Variants in IMPG1 observed in about 807,000 individuals in gnomAD.
The protein encoded by IMPG1 is interphotoreceptor matrix proteoglycan of 150 kDa.
In IMPG1, 85 loss-of-function variants were observed where a neutral mutation model predicts 92.0. That is an observed-to-expected ratio of 0.92 (90% CI 0.78 to 1.11). IMPG1 has a LOEUF of 1.11. Among genes scored for constraint, IMPG1 ranks in the 50% least tolerant of loss-of-function variants. IMPG1 has a pLI of 0.00. For missense variants in IMPG1, 1,022 were observed against 956.0 expected, an observed-to-expected ratio of 1.07 and a Z score of -0.91; for synonymous variants, 367 against 334.1, an observed-to-expected ratio of 1.10 and a Z score of -1.08.
chr6:75,971,404 C>T (rs1381424312), intron 12 of IMPG1, among the ~76,000 whole-genome samples: 1 of 151,852 alleles, frequency 6.6e-6, no homozygotes, highest in Non-Finnish European at 1.5e-5. Context: ...ACCAGCATGG[C>T]ACATGTATAC....
chr6:75,930,626 T>C (rs965404322), intron 15 of IMPG1, among the ~76,000 whole-genome samples: 1 of 152,196 alleles, frequency 6.6e-6, no homozygotes, highest in Non-Finnish European at 1.5e-5. Flanking sequence ...ATTCAGTCTT[T>C]TAAAACTGAT....
chr6:76,069,935 C>T (rs1262520216), intron 1 of IMPG1, among the ~76,000 whole-genome samples: 1 of 152,016 alleles, frequency 6.6e-6, no homozygotes, highest in African/African-American at 2.4e-5. Flanking sequence ...AACACTGGGT[C>T]CCCATGGACA....
At chr6:76,027,232 G>A (rs1447266054) in intron 4 of IMPG1, among the ~76,000 whole-genome samples, 2 of 152,210 alleles carry the variant, frequency 1.3e-5, no homozygotes, top group Admixed American at 1.3e-4. Flanking sequence ...TGCAAGGTTT[G>A]CTAAGTGTTT....
At position 76,005,382 on chromosome 6, in the gene IMPG1, T is replaced by G. The variant is rs1472776759; in HGVS notation, c.1040A>C (p.Glu347Ala). 1 of 1,614,106 alleles carries G rather than the reference T, an allele frequency of 6.2e-7. No homozygotes were observed. Among genetic ancestry groups the G allele is most frequent in the African/African-American group, 1.3e-5 (1 of 75,052 alleles). The change falls in exon 10 of 17, where the codon GAA (glutamate) becomes GCA (alanine). Residue 347 changes from glutamate (E) to alanine (A), a missense_variant. Physicochemically the swap from Glu to Ala is moderately radical, Grantham distance 107. Transcript: ENST00000369950. ...GAGGTCTGTAGCTGTGAGATAGATT[T>G]CTGGTTGCTTGTCCTCCTCCATGGT... is the stretch of plus-strand genomic sequence containing the variant. ...HGTMEEDKQPEIYLTATDLKR... is the reference protein window; with the variant it reads ...HGTMEEDKQPAIYLTATDLKR...
At chr6:75,962,318 G>A (rs1460628627) in intron 12 of IMPG1, among the ~76,000 whole-genome samples, 1 of 151,764 alleles carries the variant, frequency 6.6e-6, no homozygotes, top group Non-Finnish European at 1.5e-5. Flanking sequence ...TAGAAATGGG[G>A]GTCTCTCGAT....
chr6:76,044,382 G>A (rs1303523555), intron 1 of IMPG1, among the ~76,000 whole-genome samples: 1 of 152,150 alleles, frequency 6.6e-6, no homozygotes, highest in Non-Finnish European at 1.5e-5. Flanking sequence ...GTGTAACACA[G>A]ACCATATTTA....
chr6:76,003,064 C>T (rs534568869), intron 11 of IMPG1, 68 bp from the exon 12 acceptor site: 1 of 1,114,632 alleles, frequency 9.0e-7, no homozygotes, highest in Non-Finnish European at 1.4e-6. Context: ...AAGGGCTATA[C>T]CCATATTTCA....
intron 5 of IMPG1, among the ~76,000 whole-genome samples, chr6:76,022,798 G>A (rs181884669): frequency 2.2e-4 from 34 of 152,148 alleles, no homozygotes; most frequent in East Asian, 2.1e-3. Context: ...AGAAAAAAGC[G>A]TTATTATAAT....
intron 14 of IMPG1, among the ~76,000 whole-genome samples, chr6:75,945,152 C>T (rs1049070820): frequency 1.3e-5 from 2 of 152,160 alleles, no homozygotes; most frequent in Non-Finnish European, 2.9e-5. Flanking sequence ...TACCTTGTCA[C>T]GCTACTTTTT....
chr6:75,938,791 C>T (rs181904227), intron 14 of IMPG1, among the ~76,000 whole-genome samples: 8 of 150,608 alleles, frequency 5.3e-5, no homozygotes, highest in African/African-American at 9.7e-5. Flanking sequence ...CCAGCCTGGA[C>T]GACAAGCCAG....
At chr6:76,016,500 G>T (rs1250622408) in intron 7 of IMPG1, among the ~76,000 whole-genome samples, 2 of 152,170 alleles carry the variant, frequency 1.3e-5, no homozygotes, top group Non-Finnish European at 2.9e-5. Context: ...GTTCATAAAT[G>T]CCCCATGCTG....
At chr6:75,985,503 A>G (rs896099471) in intron 12 of IMPG1, among the ~76,000 whole-genome samples, 3 of 152,242 alleles carry the variant, frequency 2.0e-5, no homozygotes, top group African/African-American at 7.2e-5. Flanking sequence ...ATAGAAGCCA[A>G]TTGCAGAATT....
intron 12 of IMPG1, among the ~76,000 whole-genome samples, chr6:75,999,556 C>T (rs1782952248): frequency 6.6e-6 from 1 of 152,154 alleles, no homozygotes; most frequent in African/African-American, 2.4e-5. Flanking sequence ...AGTGCCCCTG[C>T]ACTTTTTTTT....
Position 76,003,000 on chromosome 6 carries a change from A to T in IMPG1, c.1213-4T>A. The stretch of plus-strand genomic sequence containing the variant: ...GTTCTGGACTCAAAGTAGCATCCTG[A>T]AGAATGAATTTTGCAAGACAGATGT... On this transcript the variant is annotated splice_region_variant and splice_polypyrimidine_tract_variant and intron_variant, in intron 11 of 16. Transcript: ENST00000369950. The T allele has an allele frequency of 6.2e-7, 1 of 1,610,360 alleles. No individual in the cohort carries two copies. Among genetic ancestry groups the T allele is most frequent in the South Asian group, 1.1e-5 (1 of 90,962 alleles).
intron 1 of IMPG1, among the ~76,000 whole-genome samples, chr6:76,057,531 G>A (rs2127597154): frequency 6.6e-6 from 1 of 152,254 alleles, no homozygotes; most frequent in Admixed American, 6.5e-5. Context: ...CGGCTAGACA[G>A]CCTAATATGC....
intron 12 of IMPG1, among the ~76,000 whole-genome samples, chr6:75,975,633 C>A (rs1434714462): frequency 6.6e-6 from 1 of 152,140 alleles, no homozygotes; most frequent in Non-Finnish European, 1.5e-5. Context: ...GTGAAAGAGA[C>A]AATTTCAACA....
chr6:76,022,890 T>A (rs1352269401), intron 5 of IMPG1, among the ~76,000 whole-genome samples: 2 of 152,222 alleles, frequency 1.3e-5, no homozygotes, highest in African/African-American at 4.8e-5. Flanking sequence ...TTGGTTTATA[T>A]TTAGCCAGAA....
intron 12 of IMPG1, among the ~76,000 whole-genome samples, chr6:75,985,082 T>C (rs1281033742): frequency 1.3e-5 from 2 of 152,248 alleles, no homozygotes; most frequent in African/African-American, 4.8e-5. Flanking sequence ...ACAATAAATA[T>C]ATACAATTTT....
chr6:75,991,660 T>A (rs1782815049), intron 12 of IMPG1, among the ~76,000 whole-genome samples: 1 of 152,158 alleles, frequency 6.6e-6, no homozygotes, highest in African/African-American at 2.4e-5. Context: ...AGTGCATATT[T>A]CCTGTCCTCT....
Sources: gnomAD v4.1 joint callset for allele counts (sites outside exome capture counted in the v4.1 genomes callset) on GRCh38, gnomAD v4.1.1 for gene constraint, MANE v1.5 for transcripts, NCBI Gene and HGNC (gene_info 2026-07-23, HGNC 2026-07-21) for gene names.